CEP112: variants seen among roughly 807,000 people sequenced by gnomAD.
The protein encoded by CEP112 is centrosomal protein of 112 kDa.
A neutral mutation model predicts 153.0 loss-of-function variants in CEP112; 127 were observed. That is an observed-to-expected ratio of 0.83 (90% CI 0.72 to 0.96). CEP112 has a LOEUF of 0.96. Among genes scored for constraint, CEP112 ranks in the 40% least tolerant of loss-of-function variants. CEP112 has a pLI of 0.00. For missense variants in CEP112, 1,089 were observed against 1,101.2 expected, an observed-to-expected ratio of 0.99 and a Z score of 0.16; for synonymous variants, 358 against 374.4, an observed-to-expected ratio of 0.96 and a Z score of 0.51.
intron 16 of CEP112, among the ~76,000 whole-genome samples, chr17:66,020,170 C>T (rs982630716): frequency 3.3e-5 from 5 of 152,080 alleles, no homozygotes; most frequent in African/African-American, 1.2e-4. Context: ...GGATGGACAG[C>T]CAGTGATCTG....
intron 16 of CEP112, among the ~76,000 whole-genome samples, chr17:66,006,374 G>A (rs2064274370): frequency 6.6e-6 from 1 of 152,084 alleles, no homozygotes; most frequent in African/African-American, 2.4e-5. Flanking sequence ...TTGGGAGGCC[G>A]AGGCAGGCGG....
intron 20 of CEP112, among the ~76,000 whole-genome samples, chr17:65,893,502 A>C (rs1399157678): frequency 6.6e-6 from 1 of 152,170 alleles, no homozygotes; most frequent in Non-Finnish European, 1.5e-5. Context: ...ATTTAAAATA[A>C]TTATTAAAAC....
At chr17:65,959,922 A>G (rs943931050) in intron 18 of CEP112, among the ~76,000 whole-genome samples, 2 of 152,172 alleles carry the variant, frequency 1.3e-5, no homozygotes, top group African/African-American at 2.4e-5. Context: ...AGTGGGTGGA[A>G]TGAGCCCAGT....
chr17:65,744,931 G>C (rs1035440760), intron 22 of CEP112, among the ~76,000 whole-genome samples: 1 of 152,190 alleles, frequency 6.6e-6, no homozygotes, highest in Admixed American at 6.5e-5. Flanking sequence ...AAGCAGAGGG[G>C]AGGGCAGTTG....
At chr17:66,033,473 C>T (rs1256161828) in intron 12 of CEP112, among the ~76,000 whole-genome samples, 1 of 152,096 alleles carries the variant, frequency 6.6e-6, no homozygotes, top group African/African-American at 2.4e-5. Context: ...CATCTCCTAC[C>T]ACCCTCCCTC....
intron 23 of CEP112, among the ~76,000 whole-genome samples, chr17:65,703,575 C>T (rs1189372963): frequency 6.7e-6 from 1 of 150,218 alleles, no homozygotes; most frequent in Non-Finnish European, 1.5e-5. Context: ...GGCTACCCAG[C>T]TGCGAAGTCT....
intron 21 of CEP112, among the ~76,000 whole-genome samples, chr17:65,760,656 T>C (rs531273107): frequency 6.6e-6 from 1 of 152,302 alleles, no homozygotes; most frequent in Admixed American, 6.6e-5. Context: ...GCTAATATTT[T>C]GTTAAAGATT....
At chr17:66,047,580 A>G (rs2066267271) in intron 12 of CEP112, among the ~76,000 whole-genome samples, 1 of 152,164 alleles carries the variant, frequency 6.6e-6, no homozygotes, top group South Asian at 2.1e-4. Context: ...TCTTTTTGCA[A>G]TAACAAAAAC....
chr17:66,145,758 C>A (rs541944837), intron 4 of CEP112, among the ~76,000 whole-genome samples: 2 of 152,150 alleles, frequency 1.3e-5, no homozygotes, highest in South Asian at 2.1e-4. Flanking sequence ...AAAGTGAAGT[C>A]CCCTAACTTT....
intron 21 of CEP112, among the ~76,000 whole-genome samples, chr17:65,758,899 T>G (rs2052443628): frequency 6.6e-6 from 1 of 152,140 alleles, no homozygotes; most frequent in African/African-American, 2.4e-5. Context: ...CAACTCCATC[T>G]TGAATAGGGG....
At chr17:66,072,124 C>A (rs2146097466) in intron 8 of CEP112, among the ~76,000 whole-genome samples, 1 of 152,098 alleles carries the variant, frequency 6.6e-6, no homozygotes. Context: ...ATGTCTATAT[C>A]TACCTCTCTA....
At chr17:65,963,742 T>A (rs1409207589) in intron 17 of CEP112, among the ~76,000 whole-genome samples, 2 of 152,008 alleles carry the variant, frequency 1.3e-5, no homozygotes, top group Non-Finnish European at 2.9e-5. Flanking sequence ...CACCCCTGTA[T>A]TTGGGATCCG....
At chr17:66,015,106 C>A (rs1320520941) in intron 16 of CEP112, among the ~76,000 whole-genome samples, 4 of 152,140 alleles carry the variant, frequency 2.6e-5, no homozygotes, top group African/African-American at 9.7e-5. Flanking sequence ...TAACCTACAT[C>A]CCTCTAATAT....
chr17:65,902,680 G>A (rs2059919798), intron 19 of CEP112, among the ~76,000 whole-genome samples: 1 of 151,866 alleles, frequency 6.6e-6, no homozygotes, highest in African/African-American at 2.4e-5. Flanking sequence ...TTTGCTTTTT[G>A]CTTAAATATA....
chr17:65,942,430 A>G (rs2061533529), intron 18 of CEP112, among the ~76,000 whole-genome samples: 1 of 152,188 alleles, frequency 6.6e-6, no homozygotes, highest in South Asian at 2.1e-4. Context: ...CAAAAAGTTC[A>G]GAAGTAGTCT....
Position 66,029,888 on chromosome 17 carries a change from A to G in CEP112, c.1354T>C (p.Leu452=). 1 of 1,613,638 alleles carries G rather than the reference A, an allele frequency of 6.2e-7. No homozygotes were observed. The highest frequency in any genetic ancestry group is 1.3e-5 in the African/African-American group (1 of 75,038). Reference sequence around the variant, plus strand: ...CAATACCTTGCCTTTACTTCTTGTAATTCACTACACGTTATCTGGTAACAT... The same window carrying G: ...CAATACCTTGCCTTTACTTCTTGTAGTTCACTACACGTTATCTGGTAACAT... ...ERCYQITCSE[L]QEVKARRNTL... Residue 452 remains leucine (L), a synonymous_variant, in exon 13 of 27, where the codon TTA becomes CTA. Transcript: ENST00000535342.
At chr17:65,804,981 T>C (rs778113690) in intron 21 of CEP112, among the ~76,000 whole-genome samples, 45 of 152,006 alleles carry the variant, frequency 3.0e-4, no homozygotes, top group Non-Finnish European at 3.8e-4. Flanking sequence ...CCAGAGTAGA[T>C]TGCAGTACAG....
At chr17:65,935,254 A>T (rs2061265647) in intron 18 of CEP112, among the ~76,000 whole-genome samples, 1 of 152,252 alleles carries the variant, frequency 6.6e-6, no homozygotes, top group Non-Finnish European at 1.5e-5. Context: ...CCAATATAAC[A>T]GCACCTAAAT....
intron 22 of CEP112, among the ~76,000 whole-genome samples, chr17:65,745,248 G>A (rs773207510): frequency 6.6e-6 from 1 of 152,186 alleles, no homozygotes; most frequent in Non-Finnish European, 1.5e-5. Context: ...ATAACAACAT[G>A]TCAATATTAT....
Sources: allele counts gnomAD v4.1 joint callset (sites outside exome capture counted in the v4.1 genomes callset), GRCh38; gene constraint gnomAD v4.1.1; transcripts MANE v1.5; gene names NCBI Gene and HGNC (gene_info 2026-07-23, HGNC 2026-07-21).